The following CNTNAP3 variants were observed in gnomAD, a reference collection of about 807,000 sequenced individuals.
CNTNAP3 encodes the protein contactin-associated protein-like 3.
In CNTNAP3, 36 loss-of-function variants were observed where a neutral mutation model predicts 92.1. That is an observed-to-expected ratio of 0.39 (90% CI 0.30 to 0.52). The LOEUF (loss-of-function observed/expected upper bound fraction) is 0.52. CNTNAP3 is among the 20% of genes least tolerant of loss of function. The pLI is 0.76. For synonymous variants in CNTNAP3, 232 were observed against 422.3 expected (o/e 0.55, Z 5.53); for missense variants, 534 against 1,069.6 (o/e 0.50, Z 6.98).
intron 9 of CNTNAP3, among the ~76,000 whole-genome samples, chr9:39,164,730 CAG>C (rs1822137958): frequency 7.2e-6 from 1 of 137,942 alleles, no homozygotes; most frequent in Non-Finnish European, 1.6e-5. Context: ...TTGTAATGTA[CAG>C]GCATCCATGC....
chr9:39,087,652 C>A lies in CNTNAP3; in HGVS notation c.3220+771G>T, dbSNP rs189198778. 2.7e-3 allele frequency among the ~76,000 whole-genome samples: 413 copies of A among 152,010 alleles called. 2 individuals are homozygous for A. The highest frequency in any genetic ancestry group is 3.7e-3 in the Non-Finnish European group (253 of 67,908). On this transcript the variant is annotated intron_variant, in intron 19 of 23. Coordinates refer to ENST00000297668, the MANE Select transcript of CNTNAP3 (RefSeq NM_033655.5). Reference sequence around the variant, plus strand: ...CAGGTGCCCACCACCATGCCCGGCTCATTTTTTGTATTTTTAGTAGAGATG... The same window carrying A: ...CAGGTGCCCACCACCATGCCCGGCTAATTTTTTGTATTTTTAGTAGAGATG...
rs1434878451 is a variant in CNTNAP3 at position 39,065,511 on chromosome 9, G to T, written c.*8379C>A. 6.6e-6 allele frequency among the ~76,000 whole-genome samples: 1 copy of T among 150,564 alleles called. No homozygotes were observed. Among genetic ancestry groups the T allele is most frequent in the Non-Finnish European group, 1.5e-5 (1 of 67,730 alleles). On this transcript the variant is annotated 3_prime_UTR_variant, in exon 24 of 24. Coordinates refer to ENST00000297668, the MANE Select transcript of CNTNAP3 (RefSeq NM_033655.5). ...CTAGGATTGGAATTGTTGGGTCATA[G>T]GTTTCATGTATGCTTAATTATATAA... is the stretch of plus-strand genomic sequence containing the variant.
chr9:39,106,754 A>T (rs1464073658), intron 15 of CNTNAP3: 1 of 152,162 alleles, frequency 6.6e-6, no homozygotes, highest in Non-Finnish European at 1.5e-5. Context: ...CAGAGTACCT[A>T]GAAACCAGTG....
At chr9:39,082,897 G>A (rs1424337038) in intron 21 of CNTNAP3, among the ~76,000 whole-genome samples, 1 of 152,182 alleles carries the variant, frequency 6.6e-6, no homozygotes, top group Non-Finnish European at 1.5e-5. Context: ...AGGGTCCTTT[G>A]TCTCTGTACC....
At chr9:39,099,117 G>A (rs2990122) in intron 18 of CNTNAP3, among the ~76,000 whole-genome samples, 3 of 151,890 alleles carry the variant, frequency 2.0e-5, no homozygotes, top group African/African-American at 7.3e-5. Flanking sequence ...TGGGATGCCC[G>A]GCTAATTTTT....
chr9:39,145,984 TA>T (rs917861676), intron 10 of CNTNAP3, among the ~76,000 whole-genome samples: 1 of 149,726 alleles, frequency 6.7e-6, no homozygotes, highest in Non-Finnish European at 1.5e-5. Flanking sequence ...CCACAAATTT[TA>T]AAAAACATTA....
At chr9:39,140,779 G>A in intron 11 of CNTNAP3, 141 bp from the exon 12 acceptor site, 3 of 1,241,854 alleles carry the variant, frequency 2.4e-6, no homozygotes, top group Non-Finnish European at 3.1e-6. Context: ...CAGTATATTT[G>A]ATGAGATGCA....
intron 9 of CNTNAP3, chr9:39,159,335 C>G (rs1009846549): frequency 1.4e-5 from 2 of 139,814 alleles, no homozygotes; most frequent in Admixed American, 7.2e-5. Flanking sequence ...TGAAACTATT[C>G]TCTTTGGTCA....
chr9:39,086,546 A>C (rs1002388087), intron 20 of CNTNAP3, 170 bp downstream of exon 20: 64 of 849,724 alleles, frequency 7.5e-5, no homozygotes, highest in Middle Eastern at 3.7e-4. Context: ...CAGAATAAAC[A>C]ACCACCTCCT....
intron 23 of CNTNAP3, among the ~76,000 whole-genome samples, chr9:39,076,269 C>T (rs1467949544): frequency 2.0e-5 from 3 of 152,428 alleles, no homozygotes; most frequent in Middle Eastern, 3.4e-3. Context: ...GTGTAAACGT[C>T]TGTAGGACTT....
At chr9:39,089,850 A>C (rs1045918209) in intron 18 of CNTNAP3, among the ~76,000 whole-genome samples, 1 of 152,194 alleles carries the variant, frequency 6.6e-6, no homozygotes, top group African/African-American at 2.4e-5. Flanking sequence ...ACATTCACAC[A>C]TATTTGCTGA....
chr9:39,135,544 T>C (rs1237623979), intron 12 of CNTNAP3, among the ~76,000 whole-genome samples: 2 of 152,226 alleles, frequency 1.3e-5, no homozygotes, highest in African/African-American at 4.8e-5. Context: ...TATCCGACTT[T>C]GAAAATTAAG....
chr9:39,159,651 G>T lies in CNTNAP3; in HGVS notation c.1477+6282C>A, dbSNP rs1389491313. On this transcript the variant is annotated intron_variant, in intron 9 of 23. Coordinates refer to ENST00000297668, the MANE Select transcript of CNTNAP3 (RefSeq NM_033655.5). ...CTGGAGATAGATAGATAGATAGATA[G>T]ATAGATAGATAGATAGATAGATATA... 857 of 139,288 alleles carry T rather than the reference G, an allele frequency of 6.2e-3. 21 individuals are homozygous for T. The highest frequency in any genetic ancestry group is 0.024 in the African/African-American group (814 of 33,654). The allele number at this position is 139,288 out of a possible 1,614,324, so 8.6% of individuals were successfully genotyped here.
chr9:39,111,552 T>C (rs1826748525), intron 14 of CNTNAP3, among the ~76,000 whole-genome samples: 1 of 152,154 alleles, frequency 6.6e-6, no homozygotes, highest in African/African-American at 2.4e-5. Context: ...AGTGGATTGA[T>C]GGTAGACAAG....
At chr9:39,108,484 G>A (rs1350844075) in intron 15 of CNTNAP3, among the ~76,000 whole-genome samples, 3 of 152,188 alleles carry the variant, frequency 2.0e-5, no homozygotes, top group Admixed American at 1.3e-4. Context: ...CATTGAGGTA[G>A]AGCAGGAAAT....
chr9:39,109,187 G>T lies in CNTNAP3; in HGVS notation c.2338C>A (p.Leu780Met), dbSNP rs1826682541. The T allele has an allele frequency of 6.2e-7, 1 of 1,612,906 alleles. No homozygotes were observed. Among genetic ancestry groups the T allele is most frequent in the African/African-American group, 1.3e-5 (1 of 74,852 alleles). ...GRPHSEAAYT[L>M]GPLLCRGDQS... ...TCTCCGCGGCAGAGCAGTGGCCCCA[G>T]TGTATAAGCTGCTTCGGAATGTGGT... is the stretch of plus-strand genomic sequence containing the variant. The change falls in exon 15 of 24, where the codon CTG becomes ATG. Residue 780 changes from leucine (L) to methionine (M), a missense_variant. Coordinates refer to ENST00000297668, the MANE Select transcript of CNTNAP3 (RefSeq NM_033655.5).
intron 12 of CNTNAP3, among the ~76,000 whole-genome samples, chr9:39,134,091 GCTAA>G (rs1821367516): frequency 6.6e-6 from 1 of 152,248 alleles, no homozygotes; most frequent in South Asian, 2.1e-4. Flanking sequence ...TGGCTTGGCT[GCTAA>G]CTGTGCGTAA....
chr9:39,084,206 T>TTTG (rs1826015149), intron 21 of CNTNAP3, among the ~76,000 whole-genome samples: 1 of 147,938 alleles, frequency 6.8e-6, no homozygotes, highest in East Asian at 1.9e-4. Flanking sequence ...TTTTTTTTTT[T>TTTG]TTTTTTTTTT....
chr9:39,112,654 G>A (rs551643686), intron 14 of CNTNAP3, among the ~76,000 whole-genome samples: 5 of 152,218 alleles, frequency 3.3e-5, no homozygotes, highest in East Asian at 3.9e-4. Context: ...GTGAGCCACC[G>A]CGCCCAGCCC....
Sources: allele counts gnomAD v4.1 joint callset (sites outside exome capture counted in the v4.1 genomes callset), GRCh38; gene constraint gnomAD v4.1.1; transcripts MANE v1.5; gene names NCBI Gene and HGNC (gene_info 2026-07-23, HGNC 2026-07-21).